PTPRD: variants seen among roughly 807,000 people sequenced by gnomAD.
PTPRD encodes the protein protein tyrosine phosphatase receptor type D.
PTPRD carries 34 observed loss-of-function variants against 214.5 expected under a neutral mutation model. The observed-to-expected ratio is 0.16, with a 90% CI of 0.12 to 0.21. PTPRD has a LOEUF of 0.21. Among genes scored for constraint, PTPRD ranks in the 10% least tolerant of loss-of-function variants. The pLI, the probability that PTPRD is intolerant of heterozygous loss-of-function variation, is 1.00. For missense variants in PTPRD, 2,545 were observed against 2,398.7 expected, an observed-to-expected ratio of 1.06 and a Z score of -1.27; for synonymous variants, 1,128 against 845.7, an observed-to-expected ratio of 1.33 and a Z score of -5.79.
chr9:9,207,785 TAA>T (rs2099945793), intron 9 of PTPRD, among the ~76,000 whole-genome samples: 1 of 152,022 alleles, frequency 6.6e-6, no homozygotes, highest in South Asian at 2.1e-4. Context: ...TTTGTCATAG[TAA>T]AAGAGTTGAA....
intron 4 of PTPRD, among the ~76,000 whole-genome samples, chr9:9,945,734 G>A (rs1365315710): frequency 6.6e-6 from 1 of 152,042 alleles, no homozygotes; most frequent in African/African-American, 2.4e-5. Context: ...CACATAAATA[G>A]AACACTTCTG....
At chr9:8,403,932 A>C (rs1453345146) in intron 36 of PTPRD, among the ~76,000 whole-genome samples, 1 of 152,142 alleles carries the variant, frequency 6.6e-6, no homozygotes, top group Non-Finnish European at 1.5e-5. Context: ...ACCAAAACCC[A>C]TCACTAAAAT....
intron 45 of PTPRD, among the ~76,000 whole-genome samples, chr9:8,319,126 C>G (rs1260707827): frequency 2.0e-5 from 3 of 152,026 alleles, no homozygotes; most frequent in African/African-American, 7.2e-5. Flanking sequence ...CAAACACTTG[C>G]ACTACTTTGA....
chr9:8,477,922 T>C (rs1308285299), intron 30 of PTPRD, among the ~76,000 whole-genome samples: 1 of 152,206 alleles, frequency 6.6e-6, no homozygotes, highest in Non-Finnish European at 1.5e-5. Context: ...TCCTCTCTGG[T>C]TTTGTATTGC....
At chr9:10,434,591 T>C (rs997864133) in intron 2 of PTPRD, among the ~76,000 whole-genome samples, 2 of 151,882 alleles carry the variant, frequency 1.3e-5, no homozygotes, top group Non-Finnish European at 2.9e-5. Context: ...CCTACTATAA[T>C]ATGTACTCAT....
intron 34 of PTPRD, among the ~76,000 whole-genome samples, chr9:8,442,061 C>T (rs999164515): frequency 2.0e-5 from 3 of 152,146 alleles, no homozygotes; most frequent in African/African-American, 7.2e-5. Context: ...TCATCTGTTT[C>T]AGTGGTGGGG....
chr9:9,430,173 C>T (rs558756637), intron 8 of PTPRD, among the ~76,000 whole-genome samples: 24 of 152,304 alleles, frequency 1.6e-4, no homozygotes, highest in Admixed American at 7.8e-4. Flanking sequence ...AGCCCAAAAT[C>T]TCCTTAAGCT....
At chr9:9,925,303 A>T (rs1441249745) in intron 5 of PTPRD, among the ~76,000 whole-genome samples, 2 of 151,964 alleles carry the variant, frequency 1.3e-5, no homozygotes, top group East Asian at 3.9e-4. Flanking sequence ...AAATTCACAT[A>T]TTTCCCTCTC....
At chr9:10,475,206 T>C (rs2099054989) in intron 2 of PTPRD, among the ~76,000 whole-genome samples, 1 of 152,064 alleles carries the variant, frequency 6.6e-6, no homozygotes, top group Non-Finnish European at 1.5e-5. Context: ...GCGGATTTTT[T>C]TGAAAAGATT....
intron 8 of PTPRD, among the ~76,000 whole-genome samples, chr9:9,474,475 A>G (rs906214943): frequency 6.6e-6 from 1 of 152,074 alleles, no homozygotes; most frequent in African/African-American, 2.4e-5. Flanking sequence ...AATTTCAGTG[A>G]AGAATTCCAT....
chr9:8,911,970 A>G (rs1369325466), intron 11 of PTPRD, among the ~76,000 whole-genome samples: 1 of 152,208 alleles, frequency 6.6e-6, no homozygotes, highest in East Asian at 1.9e-4. Context: ...CCCTAGTCCC[A>G]CTAGAATGAC....
At chr9:8,618,292 G>A (rs1241169343) in intron 14 of PTPRD, among the ~76,000 whole-genome samples, 8 of 152,032 alleles carry the variant, frequency 5.3e-5, no homozygotes, top group Non-Finnish European at 1.2e-4. Flanking sequence ...AGATTACCAT[G>A]TCCCTTAATC....
At chr9:8,841,443 T>C (rs1194904017) in intron 11 of PTPRD, among the ~76,000 whole-genome samples, 1 of 152,144 alleles carries the variant, frequency 6.6e-6, no homozygotes, top group Admixed American at 6.5e-5. Flanking sequence ...TTTTTTTAAT[T>C]AAAAAATGTT....
chr9:8,938,015 T>G (rs905839790), intron 11 of PTPRD, among the ~76,000 whole-genome samples: 2 of 152,148 alleles, frequency 1.3e-5, no homozygotes, highest in Non-Finnish European at 2.9e-5. Context: ...AGACCTAGTT[T>G]TATATGGTTC....
At chr9:9,795,523 G>A (rs778817626) in intron 5 of PTPRD, among the ~76,000 whole-genome samples, 7 of 152,078 alleles carry the variant, frequency 4.6e-5, no homozygotes, top group Non-Finnish European at 7.4e-5. Context: ...TAAAGTATAA[G>A]CATAGTATTG....
chr9:8,493,653 G>C lies in PTPRD; in HGVS notation c.2350-674C>G, dbSNP rs185253051. On this transcript the variant is annotated intron_variant, in intron 26 of 45. Coordinates refer to ENST00000381196, the MANE Select transcript of PTPRD (RefSeq NM_002839.4). ...ATGAGCAGAAATCATTATCCACTGA[G>C]GAGAATTTTCACACACATTAAAAAG... Among the ~76,000 whole-genome samples the C allele has an allele frequency of 2.4e-3, 362 of 152,210 alleles. 1 individual carries two copies. Among genetic ancestry groups the C allele is most frequent in the African/African-American group, 8.1e-3 (337 of 41,512 alleles).
chr9:8,986,422 T>G (rs1337186178), intron 11 of PTPRD, among the ~76,000 whole-genome samples: 1 of 151,842 alleles, frequency 6.6e-6, no homozygotes, highest in African/African-American at 2.4e-5. Flanking sequence ...TTTGTATAAT[T>G]TTTTGTGTTT....
At chr9:9,408,041 G>C (rs73641499) in intron 8 of PTPRD, among the ~76,000 whole-genome samples, 2 of 151,822 alleles carry the variant, frequency 1.3e-5, no homozygotes, top group African/African-American at 4.8e-5. Context: ...AGCTAAACTG[G>C]TTAATTTTAA....
chr9:9,348,638 G>C (rs1306367697), intron 9 of PTPRD, among the ~76,000 whole-genome samples: 1 of 152,098 alleles, frequency 6.6e-6, no homozygotes, highest in Non-Finnish European at 1.5e-5. Context: ...TGGGGTAAGA[G>C]TTTGTACCCA....
Sources: allele counts gnomAD v4.1 joint callset (sites outside exome capture counted in the v4.1 genomes callset), GRCh38; gene constraint gnomAD v4.1.1; transcripts MANE v1.5; gene names NCBI Gene and HGNC (gene_info 2026-07-23, HGNC 2026-07-21).